The following RAPGEF5 variants were observed in gnomAD, a reference collection of about 807,000 sequenced individuals.
RAPGEF5 encodes the protein Rap guanine nucleotide exchange factor 5, also known as M-Ras-regulated GEF.
A neutral mutation model predicts 125.2 loss-of-function variants in RAPGEF5; 65 were observed. That is an observed-to-expected ratio of 0.52 (90% CI 0.43 to 0.64). RAPGEF5 has a LOEUF of 0.64. RAPGEF5 is among the 30% of genes least tolerant of loss of function. The pLI, the probability that RAPGEF5 is intolerant of heterozygous loss-of-function variation, is 0.00. For missense variants in RAPGEF5, 958 were observed against 1,048.1 expected (o/e 0.91, Z 1.19); for synonymous variants, 391 against 385.9 (o/e 1.01, Z -0.16).
At chr7:22,240,069 G>A (rs979772075) in intron 7 of RAPGEF5, among the ~76,000 whole-genome samples, 14 of 151,930 alleles carry the variant, frequency 9.2e-5, no homozygotes, top group Admixed American at 7.9e-4. Context: ...AATTAGCCAG[G>A]AGTGGTGGCG....
chr7:22,173,818 C>T (rs559159176), intron 11 of RAPGEF5, among the ~76,000 whole-genome samples: 1 of 141,074 alleles, frequency 7.1e-6, no homozygotes, highest in South Asian at 2.5e-4. Context: ...GGACTAAGAG[C>T]GGTGAGCGGC....
intron 20 of RAPGEF5, among the ~76,000 whole-genome samples, chr7:22,141,489 C>A (rs1349519623): frequency 6.6e-6 from 1 of 152,210 alleles, no homozygotes; most frequent in East Asian, 1.9e-4. Flanking sequence ...CTCTGGCAGG[C>A]CCTGCCTACA....
intron 6 of RAPGEF5, among the ~76,000 whole-genome samples, chr7:22,273,049 CAT>C (rs1433928211): frequency 6.6e-6 from 1 of 152,120 alleles, no homozygotes; most frequent in African/African-American, 2.4e-5. Flanking sequence ...CGTGAGCCAC[CAT>C]GCCCAGCCAA....
chr7:22,309,914 T>A lies in RAPGEF5; in HGVS notation c.511+55A>T, dbSNP rs377331989. 50 of 1,497,874 alleles carry A rather than the reference T, an allele frequency of 3.3e-5. No individual in the cohort carries two copies. In the African/African-American group the frequency reaches 6.6e-4, roughly 20 times the overall value. The allele number at this position is 1,497,874 out of a possible 1,614,324, so 92.8% of individuals were successfully genotyped here. ...ATCCTCTAGAAAATCAAGTGTATTTTCATCTGATAGCTTAATAAAATAATG... is the reference window on the plus strand; with the variant it reads ...ATCCTCTAGAAAATCAAGTGTATTTACATCTGATAGCTTAATAAAATAATG... On this transcript the variant is annotated intron_variant, in intron 4 of 25. Coordinates refer to ENST00000665637, the MANE Select transcript of RAPGEF5 (RefSeq NM_012294.5).
chr7:22,277,239 C>G (rs1006874073), intron 6 of RAPGEF5, among the ~76,000 whole-genome samples: 1 of 152,148 alleles, frequency 6.6e-6, no homozygotes, highest in Non-Finnish European at 1.5e-5. Flanking sequence ...TTTGAAACGT[C>G]AGAGGTATCA....
At chr7:22,333,754 T>A (rs559529370) in intron 1 of RAPGEF5, among the ~76,000 whole-genome samples, 22 of 152,334 alleles carry the variant, frequency 1.4e-4, no homozygotes, top group Admixed American at 1.0e-3. Flanking sequence ...TGTAAGCTCA[T>A]ATTTGGCTTG....
chr7:22,234,460 C>T (rs914686775), intron 7 of RAPGEF5, among the ~76,000 whole-genome samples: 5 of 152,192 alleles, frequency 3.3e-5, no homozygotes, highest in African/African-American at 1.2e-4. Flanking sequence ...GAGCTTCACT[C>T]TCTGCCAACA....
At chr7:22,338,111 T>C (rs1380207506) in intron 1 of RAPGEF5, among the ~76,000 whole-genome samples, 5 of 152,236 alleles carry the variant, frequency 3.3e-5, no homozygotes, top group African/African-American at 1.2e-4. Context: ...CTGCATTTCA[T>C]TTGAACTAGT....
At chr7:22,189,028 T>C (rs907292386) in intron 11 of RAPGEF5, among the ~76,000 whole-genome samples, 2 of 137,744 alleles carry the variant, frequency 1.5e-5, no homozygotes, top group African/African-American at 2.8e-5. Flanking sequence ...TAACAGAATA[T>C]ACTGAATGAT....
chr7:22,254,862 G>A (rs371996601), intron 7 of RAPGEF5, among the ~76,000 whole-genome samples: 3 of 152,062 alleles, frequency 2.0e-5, no homozygotes, highest in South Asian at 2.1e-4. Flanking sequence ...TGTGAAAATC[G>A]AATGCTGCCA....
intron 12 of RAPGEF5, among the ~76,000 whole-genome samples, chr7:22,164,103 G>T (rs1444526171): frequency 1.3e-5 from 2 of 152,176 alleles, no homozygotes; most frequent in Non-Finnish European, 2.9e-5. Flanking sequence ...GGAGGCTGAG[G>T]CAGGAGGATT....
At chr7:22,306,012 CAT>C (rs951916609) in intron 5 of RAPGEF5, among the ~76,000 whole-genome samples, 1 of 152,182 alleles carries the variant, frequency 6.6e-6, no homozygotes, top group Non-Finnish European at 1.5e-5. Flanking sequence ...ATGCAAAAAA[CAT>C]AGGAAAGCAG....
At chr7:22,337,371 T>C (rs1278768804) in intron 1 of RAPGEF5, among the ~76,000 whole-genome samples, 1 of 152,102 alleles carries the variant, frequency 6.6e-6, no homozygotes, top group Admixed American at 6.5e-5. Context: ...TTAAAAGACA[T>C]CTTAAAAGGC....
chr7:22,186,883 A>C (rs1259727173), intron 11 of RAPGEF5, among the ~76,000 whole-genome samples: 10 of 152,242 alleles, frequency 6.6e-5, no homozygotes, highest in Admixed American at 6.5e-4. Flanking sequence ...CTTGGTAATA[A>C]AATTCTGCAA....
intron 1 of RAPGEF5, among the ~76,000 whole-genome samples, chr7:22,349,692 A>T (rs1352326256): frequency 6.6e-6 from 1 of 152,218 alleles, no homozygotes; most frequent in Non-Finnish European, 1.5e-5. Flanking sequence ...GCTTTACACT[A>T]AGACTTGAAA....
intron 6 of RAPGEF5, among the ~76,000 whole-genome samples, chr7:22,267,719 A>G (rs1193137938): frequency 9.9e-5 from 15 of 152,224 alleles, no homozygotes; most frequent in South Asian, 2.1e-4. Flanking sequence ...AACACGAAAC[A>G]GTGACAAAAA....
chr7:22,285,098 T>C (rs1167648380), intron 6 of RAPGEF5, among the ~76,000 whole-genome samples: 1 of 152,164 alleles, frequency 6.6e-6, no homozygotes, highest in Non-Finnish European at 1.5e-5. Flanking sequence ...CAGAGCACCG[T>C]GGAGTACCAG....
intron 9 of RAPGEF5, chr7:22,202,819 C>A: frequency 5.0e-6 from 1 of 200,936 alleles, no homozygotes. Flanking sequence ...GCTGGGTGGT[C>A]TATCTCTCTG....
intron 7 of RAPGEF5, among the ~76,000 whole-genome samples, chr7:22,266,008 A>C (rs749402191): frequency 7.9e-5 from 12 of 152,152 alleles, no homozygotes; most frequent in Non-Finnish European, 1.6e-4. Context: ...CAAACCAACA[A>C]AGAAAGTAAT....
Sources: gnomAD v4.1 joint callset for allele counts (sites outside exome capture counted in the v4.1 genomes callset) on GRCh38, gnomAD v4.1.1 for gene constraint, MANE v1.5 for transcripts, NCBI Gene and HGNC (gene_info 2026-07-23, HGNC 2026-07-21) for gene names.